The following FAT3 variants were observed in gnomAD, a reference collection of about 807,000 sequenced individuals.
FAT3 encodes protocadherin Fat 3.
A neutral mutation model predicts 310.2 loss-of-function variants in FAT3; 95 were observed. That is an observed-to-expected ratio of 0.31 (90% CI 0.26 to 0.36). The LOEUF (loss-of-function observed/expected upper bound fraction) is 0.36, where lower values mean the gene tolerates loss of function less well. Among genes scored for constraint, FAT3 ranks in the 10% least tolerant of loss-of-function variants. FAT3 has a pLI of 1.00. For synonymous variants in FAT3, 2,314 were observed against 2,192.9 expected (o/e 1.06, Z -1.54); for missense variants, 5,408 against 5,715.6 (o/e 0.95, Z 1.74).
At chr11:92,701,452 A>G (rs1439880909) in intron 4 of FAT3, among the ~76,000 whole-genome samples, 2 of 152,238 alleles carry the variant, frequency 1.3e-5, no homozygotes, top group East Asian at 3.9e-4. Context: ...AAGACTTGCT[A>G]AAGCAACAAA....
At position 92,857,420 on chromosome 11, in the gene FAT3, C is replaced by T. The variant is rs543267637; in HGVS notation, c.11500+72C>T. On this transcript the variant is annotated intron_variant, in intron 20 of 27. Coordinates refer to ENST00000525166, the MANE Select transcript of FAT3 (RefSeq NM_001367949.2). Reference sequence around the variant, plus strand: ...AACACTTGCCCTTGAGTAAATTACACCATCCAAGTCCTCCCAGAAAACGTT... The same window carrying T: ...AACACTTGCCCTTGAGTAAATTACATCATCCAAGTCCTCCCAGAAAACGTT... 1.2e-5 allele frequency: 19 copies of T among 1,580,254 alleles called. No individual in the cohort carries two copies. The South Asian group carries it at 1.7e-4, about 14-fold the overall frequency.
At chr11:92,348,947 G>A (rs1302639594) in intron 1 of FAT3, among the ~76,000 whole-genome samples, 1 of 152,150 alleles carries the variant, frequency 6.6e-6, no homozygotes, top group East Asian at 1.9e-4. Flanking sequence ...TTCCTGTGTG[G>A]TGGGTGCTGT....
intron 2 of FAT3, among the ~76,000 whole-genome samples, chr11:92,473,337 A>C (rs963420222): frequency 1.8e-5 from 1 of 55,134 alleles, no homozygotes; most frequent in African/African-American, 6.8e-5. Context: ...GGTTGTGCAG[A>C]GAGAGATGAA....
intron 1 of FAT3, among the ~76,000 whole-genome samples, chr11:92,270,312 C>A (rs1369423055): frequency 6.6e-6 from 1 of 152,018 alleles, no homozygotes; most frequent in African/African-American, 2.4e-5. Context: ...AGAGCTTGAA[C>A]TTGGGTCTCC....
At chr11:92,773,840 T>C (rs946756680) in intron 6 of FAT3, among the ~76,000 whole-genome samples, 9 of 152,210 alleles carry the variant, frequency 5.9e-5, no homozygotes, top group African/African-American at 2.2e-4. Flanking sequence ...TTGTGACATT[T>C]GTTATGCATT....
At chr11:92,503,427 T>C (rs1300830257) in intron 2 of FAT3, among the ~76,000 whole-genome samples, 1 of 152,108 alleles carries the variant, frequency 6.6e-6, no homozygotes, top group African/African-American at 2.4e-5. Context: ...TTGTAACAGG[T>C]GGATTAAATG....
chr11:92,355,042 A>C lies in FAT3; in HGVS notation c.2930A>C (p.Asn977Thr). 2 of 1,613,772 alleles carry C rather than the reference A, an allele frequency of 1.2e-6. No homozygotes were observed. Among genetic ancestry groups the C allele is most frequent in the Non-Finnish European group, 1.7e-6 (2 of 1,179,850 alleles). The part of the protein sequence containing the change: ...LGGQVRYSLV[N>T]DYNGRFEIDK... Reference sequence around the variant, plus strand: ...GGTCAAGTGCGCTATTCTTTGGTCAATGACTATAATGGGAGATTTGAAATA... The same window carrying C: ...GGTCAAGTGCGCTATTCTTTGGTCACTGACTATAATGGGAGATTTGAAATA... Residue 977 changes from asparagine (N) to threonine (T), a missense_variant, in exon 2 of 28, where the codon AAT becomes ACT. Around this residue, in one of 5 missense-constraint regions of FAT3, gnomAD observed 4,588 missense variants for 4,809.8 expected, o/e 0.95. Coordinates refer to ENST00000525166, the MANE Select transcript of FAT3 (RefSeq NM_001367949.2).
At chr11:92,229,223 T>G (rs763036966) in intron 1 of FAT3, among the ~76,000 whole-genome samples, 1 of 152,192 alleles carries the variant, frequency 6.6e-6, no homozygotes, top group Non-Finnish European at 1.5e-5. Flanking sequence ...TTTTTTGATC[T>G]CTAACTGTTG....
At chr11:92,380,408 G>A (rs1391531070) in intron 2 of FAT3, among the ~76,000 whole-genome samples, 2 of 152,078 alleles carry the variant, frequency 1.3e-5, no homozygotes, top group Non-Finnish European at 2.9e-5. Flanking sequence ...TTGGCTGTCA[G>A]CTTGATCTGT....
intron 1 of FAT3, among the ~76,000 whole-genome samples, chr11:92,347,179 A>G (rs1453583987): frequency 6.6e-6 from 1 of 152,152 alleles, no homozygotes; most frequent in African/African-American, 2.4e-5. Context: ...GCCAAGGTGC[A>G]TGTTCTGTAA....
intron 19 of FAT3, among the ~76,000 whole-genome samples, chr11:92,855,981 T>A (rs1948966293): frequency 1.1e-4 from 1 of 8,898 alleles, no homozygotes; most frequent in Non-Finnish European, 3.4e-4. Flanking sequence ...GACAATATGC[T>A]TTTTTTTTTT....
At chr11:92,430,683 CT>C (rs924558244) in intron 2 of FAT3, among the ~76,000 whole-genome samples, 2 of 151,990 alleles carry the variant, frequency 1.3e-5, no homozygotes, top group African/African-American at 4.8e-5. Flanking sequence ...ACAACAGGCC[CT>C]GGTGTGTGAT....
At chr11:92,738,354 A>T (rs1463404159) in intron 4 of FAT3, among the ~76,000 whole-genome samples, 1 of 152,208 alleles carries the variant, frequency 6.6e-6, no homozygotes, top group East Asian at 1.9e-4. Flanking sequence ...ATGGTACCAA[A>T]ACATTGATGA....
chr11:92,481,671 C>T (rs1952231072), intron 2 of FAT3, among the ~76,000 whole-genome samples: 1 of 152,142 alleles, frequency 6.6e-6, no homozygotes, highest in Non-Finnish European at 1.5e-5. Context: ...TGTTCTAGTT[C>T]TCTTAATTAC....
intron 4 of FAT3, among the ~76,000 whole-genome samples, chr11:92,733,021 G>A (rs988535296): frequency 1.3e-5 from 2 of 152,216 alleles, no homozygotes; most frequent in Non-Finnish European, 2.9e-5. Context: ...TGTTCCAGAA[G>A]TAAGAACAGC....
At chr11:92,598,078 G>A (rs1310740383) in intron 3 of FAT3, among the ~76,000 whole-genome samples, 3 of 151,784 alleles carry the variant, frequency 2.0e-5, no homozygotes, top group Non-Finnish European at 4.4e-5. Context: ...GATTTTGTCT[G>A]TACCAGGTGG....
chr11:92,259,716 C>G (rs1401594852), intron 1 of FAT3, among the ~76,000 whole-genome samples: 1 of 152,062 alleles, frequency 6.6e-6, no homozygotes, highest in Non-Finnish European at 1.5e-5. Context: ...TATATGGCTT[C>G]TAAGTTACTT....
intron 1 of FAT3, among the ~76,000 whole-genome samples, chr11:92,339,561 A>T (rs1386669078): frequency 6.6e-6 from 1 of 152,228 alleles, no homozygotes; most frequent in Non-Finnish European, 1.5e-5. Flanking sequence ...AATAATAGTA[A>T]GTATTGCAAA....
At chr11:92,429,913 A>C (rs1950728089) in intron 2 of FAT3, among the ~76,000 whole-genome samples, 2 of 152,068 alleles carry the variant, frequency 1.3e-5, no homozygotes, top group South Asian at 4.1e-4. Context: ...CTGAATTTGA[A>C]TGTTGGCCTG....
Sources: allele counts gnomAD v4.1 joint callset (sites outside exome capture counted in the v4.1 genomes callset), GRCh38; gene constraint gnomAD v4.1.1; regional missense constraint gnomAD v4.1.1; transcripts MANE v1.5; gene names NCBI Gene and HGNC (gene_info 2026-07-23, HGNC 2026-07-21).